RETREG1: variants seen among roughly 807,000 people sequenced by gnomAD.
The protein encoded by RETREG1 is reticulophagy regulator 1, also known as family with sequence similarity 134 member B.
RETREG1 carries 44 observed loss-of-function variants against 54.8 expected under a neutral mutation model. The observed-to-expected ratio is 0.80, with a 90% CI of 0.63 to 1.03. The LOEUF (loss-of-function observed/expected upper bound fraction) is 1.03. Ranked by LOEUF, RETREG1 falls within the 50% of genes least tolerant of loss-of-function variation. The pLI is 0.00. For missense variants in RETREG1, 554 were observed against 605.1 expected, an observed-to-expected ratio of 0.92 and a Z score of 0.89; for synonymous variants, 217 against 238.5, an observed-to-expected ratio of 0.91 and a Z score of 0.83.
At chr5:16,582,660 A>C (rs1229019862) in intron 1 of RETREG1, among the ~76,000 whole-genome samples, 1 of 47,068 alleles carries the variant, frequency 2.1e-5, no homozygotes, top group Non-Finnish European at 6.1e-5. Flanking sequence ...AAAATAAAAT[A>C]AGAAAAAAAA....
At chr5:16,579,526 C>A (rs563592171) in intron 1 of RETREG1, among the ~76,000 whole-genome samples, 1 of 152,262 alleles carries the variant, frequency 6.6e-6, no homozygotes, top group African/African-American at 2.4e-5. Context: ...TGGGTTTTGA[C>A]AAATGCATAA....
At position 16,616,696 on chromosome 5, in the gene RETREG1, C is replaced by T. The variant is rs561114434; in HGVS notation, c.276G>A (p.Pro92=). The T allele has an allele frequency of 1.9e-6, 3 of 1,594,796 alleles. No homozygotes were observed. The highest frequency in any genetic ancestry group is 2.2e-5 in the East Asian group (1 of 44,492). The change falls in exon 1 of 9, where the codon CCG becomes CCA. Residue 92 remains proline, a synonymous_variant. Coordinates refer to ENST00000306320, the MANE Select transcript of RETREG1 (RefSeq NM_001034850.3). Reference sequence around the variant, plus strand: ...CGACGAAGCCGAGCAGGCTCCGCAGCGGCCTCTTCCAGCTCAGCAGCTCGT... The same window carrying T: ...CGACGAAGCCGAGCAGGCTCCGCAGTGGCCTCTTCCAGCTCAGCAGCTCGT... ...RADELLSWKR[P]LRSLLGFVAA...
rs1255058019 is a variant in RETREG1, at chr5:16,565,787, T to C, written c.434A>G (p.Gln145Arg). ...DMVLSRTRGA[Q>R]LWRSLSESWE... ...CCTTTCACTGAGGCTTCTCCACAAC[T>C]GTGCACCTGCAACAGGGAGAAGCAA... is the stretch of plus-strand genomic sequence containing the variant. Residue 145 changes from glutamine (Q) to arginine (R), a missense_variant, in exon 3 of 9, where the codon CAG becomes CGG. Around this residue, in one of 4 missense-constraint regions of RETREG1, gnomAD observed 347 missense variants for 412.3 expected, o/e 0.84. Coordinates refer to ENST00000306320, the MANE Select transcript of RETREG1 (RefSeq NM_001034850.3). The C allele has an allele frequency of 1.9e-6, 3 of 1,613,758 alleles. No individual in the cohort carries two copies. The highest frequency in any genetic ancestry group is 1.7e-5 in the Admixed American group (1 of 59,960).
intron 3 of RETREG1, among the ~76,000 whole-genome samples, chr5:16,541,070 A>G (rs925217599): frequency 6.6e-6 from 1 of 152,156 alleles, no homozygotes; most frequent in Non-Finnish European, 1.5e-5. Flanking sequence ...AGATACAACA[A>G]ATAATCACAC....
chr5:16,505,510 A>T (rs912193777), intron 3 of RETREG1, among the ~76,000 whole-genome samples: 1 of 152,116 alleles, frequency 6.6e-6, no homozygotes, highest in Non-Finnish European at 1.5e-5. Context: ...TGACATTGGG[A>T]GCGCCATAAA....
At chr5:16,487,832 G>A (rs1339613194) in intron 3 of RETREG1, among the ~76,000 whole-genome samples, 1 of 152,192 alleles carries the variant, frequency 6.6e-6, no homozygotes, top group Non-Finnish European at 1.5e-5. Flanking sequence ...TCCACAGAAA[G>A]GAGCTTTGGC....
rs185293862 is a variant in RETREG1, at chr5:16,497,111, G to A, written c.459-13639C>T. On this transcript the variant is annotated intron_variant, in intron 3 of 8. Coordinates refer to ENST00000306320, the MANE Select transcript of RETREG1 (RefSeq NM_001034850.3). ...ACTCTAATAGAACCTCCCATTTATTGAGCACACACCAAGTGCTAGGCATGA... is the reference window on the plus strand; with the variant it reads ...ACTCTAATAGAACCTCCCATTTATTAAGCACACACCAAGTGCTAGGCATGA... Among the ~76,000 whole-genome samples the A allele has an allele frequency of 3.3e-5, 5 of 152,226 alleles. No individual in the cohort carries two copies. In the East Asian group the frequency reaches 7.7e-4, roughly 23 times the overall value.
At chr5:16,604,239 G>A (rs557960468) in intron 1 of RETREG1, among the ~76,000 whole-genome samples, 2 of 152,130 alleles carry the variant, frequency 1.3e-5, no homozygotes, top group Admixed American at 6.5e-5. Flanking sequence ...GGGGTGGGGA[G>A]CAGAAACCTG....
intron 3 of RETREG1, among the ~76,000 whole-genome samples, chr5:16,560,943 A>G (rs1358604929): frequency 6.6e-6 from 1 of 152,152 alleles, no homozygotes; most frequent in Non-Finnish European, 1.5e-5. Context: ...CACACCGAGG[A>G]AAGTATCCCT....
chr5:16,533,831 G>C (rs1740981474), intron 3 of RETREG1, among the ~76,000 whole-genome samples: 1 of 152,126 alleles, frequency 6.6e-6, no homozygotes, highest in South Asian at 2.1e-4. Context: ...CAGATGGCTG[G>C]GCAGCCTAGA....
At chr5:16,607,296 C>T (rs1352561351) in intron 1 of RETREG1, among the ~76,000 whole-genome samples, 1 of 152,070 alleles carries the variant, frequency 6.6e-6, no homozygotes, top group Non-Finnish European at 1.5e-5. Context: ...GTTATATCCC[C>T]CGCACCAAGA....
chr5:16,517,382 T>C (rs978395296), intron 3 of RETREG1, among the ~76,000 whole-genome samples: 1 of 152,204 alleles, frequency 6.6e-6, no homozygotes, highest in Non-Finnish European at 1.5e-5. Context: ...GATGTTCTTG[T>C]TTATTATTGT....
intron 3 of RETREG1, among the ~76,000 whole-genome samples, chr5:16,557,167 C>T (rs1205404966): frequency 6.6e-6 from 1 of 152,146 alleles, no homozygotes; most frequent in Non-Finnish European, 1.5e-5. Context: ...CCGTTGCTGT[C>T]CTGAAGATCC....
chr5:16,537,087 T>C (rs775765899), intron 3 of RETREG1, among the ~76,000 whole-genome samples: 6 of 152,214 alleles, frequency 3.9e-5, no homozygotes, highest in East Asian at 3.8e-4. Flanking sequence ...CGAGGGTCTG[T>C]GTACATCAGC....
At chr5:16,577,993 C>A (rs1369893760) in intron 1 of RETREG1, among the ~76,000 whole-genome samples, 1 of 152,162 alleles carries the variant, frequency 6.6e-6, no homozygotes, top group Non-Finnish European at 1.5e-5. Context: ...AGCGTGAAAA[C>A]AGACTCATAC....
intron 3 of RETREG1, among the ~76,000 whole-genome samples, chr5:16,523,215 C>T (rs143418305): frequency 3.2e-3 from 484 of 152,220 alleles, no homozygotes; most frequent in African/African-American, 0.011. Context: ...AACTAAATTC[C>T]GGACTTGGCT....
At position 16,600,104 on chromosome 5, in the gene RETREG1, G is replaced by A. The variant is rs922481655; in HGVS notation, c.320+16548C>T. ...CAACCTCCACCTCCCATGTTCAAGC[G>A]ATTCTCCTGCCTCAGCCTCCTGAGC... On this transcript the variant is annotated intron_variant, in intron 1 of 8. Transcript: ENST00000306320. Among the ~76,000 whole-genome samples, 6 of 152,114 alleles carry A rather than the reference G, an allele frequency of 3.9e-5. No homozygotes were observed. In the South Asian group the frequency reaches 6.2e-4, roughly 16 times the overall value.
At chr5:16,492,208 C>CTG in intron 3 of RETREG1, among the ~76,000 whole-genome samples, 1 of 125,770 alleles carries the variant, frequency 8.0e-6, no homozygotes, top group African/African-American at 2.8e-5. Flanking sequence ...TCCTCTCTCT[C>CTG]TCTCTCTCTC....
intron 3 of RETREG1, among the ~76,000 whole-genome samples, chr5:16,539,493 C>A (rs917874941): frequency 6.6e-6 from 1 of 152,120 alleles, no homozygotes; most frequent in South Asian, 2.1e-4. Context: ...TCGGAGCGAG[C>A]CAGGAGACAA....
Sources: gnomAD v4.1 joint callset for allele counts (sites outside exome capture counted in the v4.1 genomes callset) on GRCh38, gnomAD v4.1.1 for gene constraint, gnomAD v4.1.1 regional missense constraint, MANE v1.5 for transcripts, NCBI Gene and HGNC (gene_info 2026-07-23, HGNC 2026-07-21) for gene names.